ARRB1: variants seen among roughly 807,000 people sequenced by gnomAD.
ARRB1 encodes the protein beta-arrestin-1.
In ARRB1, 21 loss-of-function variants were observed where a neutral mutation model predicts 56.8. The ratio of observed to expected loss-of-function variants is 0.37; its 90% confidence interval spans 0.26 to 0.53. The LOEUF (loss-of-function observed/expected upper bound fraction) is 0.53. ARRB1 is among the 20% of genes least tolerant of loss of function. The probability of loss-of-function intolerance (pLI) is 0.88; values close to 1 mark genes in which losing one functional copy is unlikely to be tolerated. For synonymous variants in ARRB1, 210 were observed against 218.6 expected, an observed-to-expected ratio of 0.96 and a Z score of 0.35; for missense variants, 424 against 553.7, an observed-to-expected ratio of 0.77 and a Z score of 2.35.
chr11:75,325,180 C>G (rs1220221816), intron 1 of ARRB1, among the ~76,000 whole-genome samples: 1 of 152,054 alleles, frequency 6.6e-6, no homozygotes, highest in Admixed American at 6.6e-5. Flanking sequence ...GCAGTGGAAT[C>G]AGATTGTTTT....
intron 1 of ARRB1, among the ~76,000 whole-genome samples, chr11:75,320,943 A>G (rs1009834357): frequency 6.6e-6 from 1 of 152,078 alleles, no homozygotes; most frequent in Admixed American, 6.6e-5. Flanking sequence ...AGGAGGGGCC[A>G]TGGGAGCTGA....
chr11:75,284,106 G>A lies in ARRB1; in HGVS notation c.157+129C>T. On this transcript the variant is annotated intron_variant, in intron 4 of 15. Transcript: ENST00000420843. ...CCGTCCCAGGCTGGAGGAGGCAACG[G>A]CATCTGTAGAGGTATTTGTTGGGGC... The A allele has an allele frequency of 3.2e-6, 3 of 934,820 alleles. 1 individual carries two copies. In the South Asian group the frequency reaches 6.7e-5, roughly 21 times the overall value. 57.9% of individuals were successfully genotyped at this position (934,820 alleles called of 1,614,324 possible).
At chr11:75,315,978 G>A (rs1947257587) in intron 1 of ARRB1, among the ~76,000 whole-genome samples, 2 of 152,154 alleles carry the variant, frequency 1.3e-5, no homozygotes, top group Non-Finnish European at 2.9e-5. Flanking sequence ...CAAACAGGGA[G>A]GACACCTGGA....
chr11:75,308,197 A>G (rs1263936008), intron 1 of ARRB1, among the ~76,000 whole-genome samples: 1 of 152,150 alleles, frequency 6.6e-6, no homozygotes, highest in East Asian at 1.9e-4. Flanking sequence ...TCGATCCACA[A>G]AGTACTTTGC....
intron 1 of ARRB1, among the ~76,000 whole-genome samples, chr11:75,341,417 C>G (rs530650645): frequency 4.2e-4 from 64 of 152,280 alleles, no homozygotes; most frequent in Middle Eastern, 3.4e-3. Context: ...GGATTACAGG[C>G]GTCAGCCACC....
intron 11 of ARRB1, among the ~76,000 whole-genome samples, chr11:75,273,183 A>T (rs1179372885): frequency 1.3e-5 from 2 of 152,064 alleles, no homozygotes; most frequent in African/African-American, 4.8e-5. Flanking sequence ...TCCAAGTCTG[A>T]CTGTGAGACT....
At chr11:75,275,960 G>A (rs907998404) in intron 10 of ARRB1, among the ~76,000 whole-genome samples, 4 of 152,146 alleles carry the variant, frequency 2.6e-5, no homozygotes, top group Non-Finnish European at 5.9e-5. Flanking sequence ...AGGAATCTAT[G>A]CCTCATAGCT....
intron 8 of ARRB1, among the ~76,000 whole-genome samples, 164 bp downstream of exon 8, chr11:75,278,445 C>T (rs1946248764): frequency 6.6e-6 from 1 of 152,202 alleles, no homozygotes; most frequent in Admixed American, 6.5e-5. Context: ...GAGGCTTCTC[C>T]AAATCCCCCA....
intron 5 of ARRB1, among the ~76,000 whole-genome samples, chr11:75,282,833 A>C (rs1194047686): frequency 6.6e-6 from 1 of 152,248 alleles, no homozygotes; most frequent in African/African-American, 2.4e-5. Context: ...AGAGCCTAAG[A>C]AACTTGAGAT....
At chr11:75,306,126 C>A (rs1225297365) in intron 1 of ARRB1, among the ~76,000 whole-genome samples, 2 of 152,134 alleles carry the variant, frequency 1.3e-5, no homozygotes, top group East Asian at 3.9e-4. Flanking sequence ...GAGGCCCTGG[C>A]CACCTGACTC....
chr11:75,294,222 G>A (rs551417417), intron 1 of ARRB1, among the ~76,000 whole-genome samples: 1 of 152,190 alleles, frequency 6.6e-6, no homozygotes. Context: ...CCAAACAGGG[G>A]GTCACAACAT....
chr11:75,302,731 C>T (rs1187761904), intron 1 of ARRB1, among the ~76,000 whole-genome samples: 2 of 152,146 alleles, frequency 1.3e-5, no homozygotes, highest in East Asian at 3.8e-4. Flanking sequence ...AAAACTTGAT[C>T]CCCAGTAGTG....
At chr11:75,266,343 C>T (rs555358806) in intron 15 of ARRB1, 69 bp from the exon 16 acceptor site, 18 of 1,300,134 alleles carry the variant, frequency 1.4e-5, no homozygotes, top group East Asian at 6.9e-5. Flanking sequence ...TCCAGAGGCC[C>T]GGCCAGATGT....
chr11:75,341,436 C>T (rs1015717939), intron 1 of ARRB1, among the ~76,000 whole-genome samples: 1 of 152,156 alleles, frequency 6.6e-6, no homozygotes, highest in Non-Finnish European at 1.5e-5. Context: ...CCATGCCTGG[C>T]CGACAATGGC....
At chr11:75,323,096 G>T (rs1947374286) in intron 1 of ARRB1, among the ~76,000 whole-genome samples, 1 of 152,206 alleles carries the variant, frequency 6.6e-6, no homozygotes, top group South Asian at 2.1e-4. Flanking sequence ...CAGATTCAGA[G>T]ATAAAATCAA....
intron 1 of ARRB1, among the ~76,000 whole-genome samples, chr11:75,343,897 G>T (rs1254511173): frequency 1.3e-5 from 2 of 151,802 alleles, no homozygotes; most frequent in Non-Finnish European, 2.9e-5. Flanking sequence ...CTCACTGCAA[G>T]CTCCGCCTCC....
At chr11:75,281,029 C>G in intron 7 of ARRB1, 46 bp downstream of exon 7, 1 of 1,568,858 alleles carries the variant, frequency 6.4e-7, no homozygotes, top group South Asian at 1.2e-5. Context: ...CATCCTGTCT[C>G]CCTCCCTCAC....
Position 75,266,204 on chromosome 11 carries a change from C to T in ARRB1, c.1216G>A (p.Glu406Lys), listed in dbSNP as rs760732522. 3 of 1,614,148 alleles carry T rather than the reference C, an allele frequency of 1.9e-6. No homozygotes were observed. The highest frequency in any genetic ancestry group is 2.5e-6 in the Non-Finnish European group (3 of 1,180,058). Residue 406 changes from glutamate (E) to lysine (K), a missense_variant, in exon 16 of 16, where the codon GAG becomes AAG. Around this residue, in one of 3 missense-constraint regions of ARRB1, gnomAD observed 121 missense variants for 147.3 expected, o/e 0.82. Coordinates refer to ENST00000420843, the MANE Select transcript of ARRB1 (RefSeq NM_004041.5). ...TGTGGAGAGCCGGTACCATCCTCCT[C>T]TTCCTCCTTGTCATCCTTCATGCCT... Reference protein sequence around the residue: ...LKGMKDDKEEEEDGTGSPQLN... With the variant: ...LKGMKDDKEEKEDGTGSPQLN...
intron 14 of ARRB1, among the ~76,000 whole-genome samples, 176 bp downstream of exon 14, chr11:75,268,713 G>A (rs974871958): frequency 5.3e-5 from 8 of 151,936 alleles, no homozygotes; most frequent in African/African-American, 1.2e-4. Flanking sequence ...CAGGAGCCAC[G>A]CCTCACTGTC....
Sources: gnomAD v4.1 joint callset for allele counts (sites outside exome capture counted in the v4.1 genomes callset) on GRCh38, gnomAD v4.1.1 for gene constraint, gnomAD v4.1.1 regional missense constraint, MANE v1.5 for transcripts, NCBI Gene and HGNC (gene_info 2026-07-23, HGNC 2026-07-21) for gene names.